CIITA: variants seen among roughly 807,000 people sequenced by gnomAD.
CIITA encodes class II major histocompatibility complex transactivator.
Under a neutral mutation model 115.1 loss-of-function variants are expected in CIITA, and 72 were observed. The observed-to-expected ratio is 0.63, with a 90% CI of 0.52 to 0.76. The LOEUF is 0.76. Ranked by LOEUF, CIITA falls within the 30% of genes least tolerant of loss-of-function variation. The pLI, the probability that CIITA is intolerant of heterozygous loss-of-function variation, is 0.00. For synonymous variants in CIITA, 763 were observed against 635.6 expected, an observed-to-expected ratio of 1.20 and a Z score of -3.02; for missense variants, 1,617 against 1,463.8, an observed-to-expected ratio of 1.10 and a Z score of -1.71.
upstream of CIITA, among the ~76,000 whole-genome samples, chr16:10,875,078 C>G (rs1013581558): frequency 6.6e-6 from 1 of 152,140 alleles, no homozygotes; most frequent in Non-Finnish European, 1.5e-5. Context: ...ATGTGATTCT[C>G]ATCCCTCAGT....
At position 10,929,630 on chromosome 16, in the gene CIITA, G is replaced by C. The variant is rs1383112460; in HGVS notation, c.*5775G>C. 4.3e-6 allele frequency: 4 copies of C among 936,622 alleles called. No homozygotes were observed. The highest frequency in any genetic ancestry group is 5.1e-6 in the Non-Finnish European group (4 of 785,550). The allele number at this position is 936,622 out of a possible 1,614,324, so 58.0% of individuals were successfully genotyped here. On this transcript the variant is annotated 3_prime_UTR_variant, in exon 20 of 20. Transcript: ENST00000324288. The surrounding 1 kb of genome is among the most constrained non-coding windows in gnomAD (Gnocchi z 4.3). ...CTGCCACCAGGTTGGCTGGGGACAG[G>C]GACCAATCCACCAGGCTCGGGAGGC... is the stretch of plus-strand genomic sequence containing the variant.
rs556056140 is a variant in CIITA at position 10,909,064 on chromosome 16, C to T, written c.2693C>T (p.Ser898Phe). Residue 898 changes from serine to phenylalanine, a missense_variant, in exon 12 of 20, where the codon TCC becomes TTC. Physicochemically the swap from Ser to Phe is radical, Grantham distance 155. Coordinates refer to ENST00000324288, the MANE Select transcript of CIITA (RefSeq NM_000246.4). Reference protein sequence around the residue: ...ALSDTVALWESLQQHGETKLL... With the variant: ...ALSDTVALWEFLQQHGETKLL... ...AGCGACACGGTGGCGCTGTGGGAGT[C>T]CCTGCAGCAGCATGGGGAGACCAAG... 1 of 1,614,148 alleles carries T rather than the reference C, an allele frequency of 6.2e-7. No homozygotes were observed. The highest frequency in any genetic ancestry group is 8.5e-7 in the Non-Finnish European group (1 of 1,179,994).
Position 10,908,017 on chromosome 16 carries a change from C to T in CIITA, c.2525C>T (p.Pro842Leu), listed in dbSNP as rs1423543376. 1.9e-6 allele frequency: 3 copies of T among 1,604,966 alleles called. No homozygotes were observed. The highest frequency in any genetic ancestry group is 2.6e-6 in the Non-Finnish European group (3 of 1,173,482). Residue 842 changes from proline to leucine, a missense_variant, in exon 11 of 20, where the codon CCT (proline) becomes CTT (leucine). Transcript: ENST00000324288. ...TCTTTTCTGGGCACCCGCCTCACGCCTCCTGATGCACATGTACTGGGCAAG... is the reference window on the plus strand; with the variant it reads ...TCTTTTCTGGGCACCCGCCTCACGCTTCCTGATGCACATGTACTGGGCAAG... ...RLSFLGTRLT[P>L]PDAHVLGKAL...
intron 3 of CIITA, among the ~76,000 whole-genome samples, chr16:10,896,836 G>C (rs185850620): frequency 6.6e-6 from 1 of 152,336 alleles, no homozygotes; most frequent in Non-Finnish European, 1.5e-5. Flanking sequence ...ACAGTGTATT[G>C]AAAATCATAC....
At chr16:10,906,054 A>G (rs953836027) in intron 10 of CIITA, among the ~76,000 whole-genome samples, 3 of 152,038 alleles carry the variant, frequency 2.0e-5, no homozygotes, top group Admixed American at 6.5e-5. Context: ...TTAGCCAGGC[A>G]TGGCAGTGGG....
intron 1 of CIITA, chr16:10,866,422 C>T (rs954444925): frequency 7.1e-6 from 4 of 566,326 alleles, no homozygotes; most frequent in Non-Finnish European, 1.4e-5. Context: ...CTGCACTCTG[C>T]TCCATGAGCC....
intron 1 of CIITA, among the ~76,000 whole-genome samples, chr16:10,884,421 C>T (rs910829192): frequency 3.3e-5 from 5 of 152,102 alleles, no homozygotes; most frequent in African/African-American, 1.2e-4. Flanking sequence ...ATTCATTCAT[C>T]CTTTCATTTA....
Position 10,907,358 on chromosome 16 carries a change from G to C in CIITA, c.1866G>C (p.Glu622Asp). 6.2e-7 allele frequency: 1 copy of C among 1,613,526 alleles called. No homozygotes were observed. Among genetic ancestry groups the C allele is most frequent in the South Asian group, 1.1e-5 (1 of 91,088 alleles). The change falls in exon 11 of 20, where the codon GAG becomes GAC. Residue 622 changes from glutamate (E) to aspartate (D), a missense_variant. Glu to Asp is a conservative substitution (Grantham distance 45). Transcript: ENST00000324288. The surrounding 1 kb of genome is among the most constrained non-coding windows in gnomAD (Gnocchi z 5.0). ...TLCRAVCQLS[E>D]ALLELGEDAK... ...GCCGGGCAGTGTGCCAGCTCTCAGA[G>C]GCCCTGCTGGAGCTTGGGGAGGACG...
intron 1 of CIITA, among the ~76,000 whole-genome samples, chr16:10,869,066 G>T (rs2143194275): frequency 6.6e-6 from 1 of 152,322 alleles, no homozygotes; most frequent in African/African-American, 2.4e-5. Flanking sequence ...ATTTTGATGG[G>T]GGTTCGGAAA....
At position 10,891,916 on chromosome 16, in the gene CIITA, C is replaced by A. The variant is rs535866545; in HGVS notation, c.53-3366C>A. Reference sequence around the variant, plus strand: ...GCAGCCCCCGCTCAACCGTCATGAACAAGTGGGCCCAGCCAGTGCCCCAGC... The same window carrying A: ...GCAGCCCCCGCTCAACCGTCATGAAAAAGTGGGCCCAGCCAGTGCCCCAGC... On this transcript the variant is annotated intron_variant, in intron 1 of 19. Transcript: ENST00000324288. 1.1e-3 allele frequency among the ~76,000 whole-genome samples: 170 copies of A among 152,302 alleles called. 1 individual carries two copies. Among genetic ancestry groups the A allele is most frequent in the African/African-American group, 3.6e-3 (150 of 41,564 alleles).
chr16:10,916,559 G>A (rs868824598), intron 15 of CIITA, 100 bp downstream of exon 15: 14 of 992,810 alleles, frequency 1.4e-5, no homozygotes, highest in Admixed American at 4.0e-5. Flanking sequence ...ACAAGGGCTC[G>A]CTGTGTCACC....
Position 10,906,281 on chromosome 16 carries a change from G to A in CIITA, c.1007-218G>A, listed in dbSNP as rs975768141. ...AGGTGGAGTCAGGAGGATCGCATGA[G>A]CCCAGGAGGTTGAGGTTGCAGCGAG... On this transcript the variant is annotated intron_variant, in intron 10 of 19. Coordinates refer to ENST00000324288, the MANE Select transcript of CIITA (RefSeq NM_000246.4). Among the ~76,000 whole-genome samples, 11 of 152,244 alleles carry A rather than the reference G, an allele frequency of 7.2e-5. 1 individual carries two copies. The highest frequency in any genetic ancestry group is 3.4e-3 in the Middle Eastern group (1 of 294).
chr16:10,888,174 T>C (rs978533349), intron 1 of CIITA: 9 of 152,242 alleles, frequency 5.9e-5, no homozygotes, highest in Non-Finnish European at 1.3e-4. Flanking sequence ...CTACTGTTCA[T>C]TGAGCACTTA....
chr16:10,919,008 A>G (rs1045880802), intron 16 of CIITA, among the ~76,000 whole-genome samples: 2 of 151,952 alleles, frequency 1.3e-5, no homozygotes, highest in Admixed American at 1.3e-4. Context: ...TCCCAGAGGT[A>G]ATGAGCGGAC....
intron 1 of CIITA, among the ~76,000 whole-genome samples, chr16:10,889,047 T>C (rs2037257790): frequency 6.6e-6 from 1 of 152,260 alleles, no homozygotes; most frequent in African/African-American, 2.4e-5. Context: ...ATTCTAGTTC[T>C]ATATCATTGC....
intron 15 of CIITA, 32 bp downstream of exon 15, chr16:10,916,491 A>G: frequency 1.3e-6 from 2 of 1,581,760 alleles, no homozygotes; most frequent in South Asian, 1.1e-5. Flanking sequence ...TTCCTGCTGA[A>G]TCGGGCCCCC....
chr16:10,938,648 G>C (rs1173786875), downstream of CIITA: 2 of 152,168 alleles, frequency 1.3e-5, no homozygotes, highest in African/African-American at 4.8e-5. This position sits in a 1 kb window ranked among gnomAD's most constrained non-coding sequence, Gnocchi z 4.9. Flanking sequence ...TCATACCCTG[G>C]GGTTCTGAGC....
intron 1 of CIITA, among the ~76,000 whole-genome samples, chr16:10,891,191 TG>T (rs1202157189): frequency 6.6e-6 from 1 of 151,722 alleles, no homozygotes; most frequent in Non-Finnish European, 1.5e-5. Flanking sequence ...TCTCTATGCT[TG>T]AGCCCAGACA....
intron 1 of CIITA, among the ~76,000 whole-genome samples, chr16:10,884,043 C>T (rs1596451935): frequency 6.6e-6 from 1 of 152,312 alleles, no homozygotes; most frequent in South Asian, 2.1e-4. Context: ...TGAGGGTTTA[C>T]TCTTGGTGTT....
Sources: allele counts gnomAD v4.1 joint callset (sites outside exome capture counted in the v4.1 genomes callset), GRCh38; gene constraint gnomAD v4.1.1; non-coding constraint Gnocchi (gnomAD v3.1); transcripts MANE v1.5; gene names NCBI Gene and HGNC (gene_info 2026-07-23, HGNC 2026-07-21).